Variants in MPDZ observed in about 807,000 individuals in gnomAD.
MPDZ encodes the protein multiple PDZ domain crumbs cell polarity complex component.
A neutral mutation model predicts 239.1 loss-of-function variants in MPDZ; 234 were observed. That is an observed-to-expected ratio of 0.98 (90% CI 0.88 to 1.09). The LOEUF (loss-of-function observed/expected upper bound fraction) is 1.09. Ranked by LOEUF, MPDZ falls within the 50% of genes least tolerant of loss-of-function variation. The pLI is 0.00. For missense variants in MPDZ, 3,175 were observed against 2,510.0 expected (o/e 1.26, Z -5.66); for synonymous variants, 1,048 against 881.3 (o/e 1.19, Z -3.35).
At chr9:13,278,291 A>G (rs1247983039) in intron 1 of MPDZ, among the ~76,000 whole-genome samples, 1 of 152,148 alleles carries the variant, frequency 6.6e-6, no homozygotes. Flanking sequence ...CCCTACTGCA[A>G]AAAGGCAGTC....
At chr9:13,226,034 C>G (rs917177057) in intron 3 of MPDZ, among the ~76,000 whole-genome samples, 1 of 152,024 alleles carries the variant, frequency 6.6e-6, no homozygotes, top group Non-Finnish European at 1.5e-5. Flanking sequence ...CTAGGGGAAC[C>G]TCGCAAATTT....
chr9:13,114,625 G>C (rs1425888231), intron 40 of MPDZ, among the ~76,000 whole-genome samples: 9 of 152,294 alleles, frequency 5.9e-5, no homozygotes, highest in African/African-American at 1.7e-4. Context: ...CTTGGGGCCA[G>C]GTACGGTGGC....
rs181272173 is a variant in MPDZ at position 13,186,712 on chromosome 9, G to A, written c.2365-326C>T. Among the ~76,000 whole-genome samples the A allele has an allele frequency of 4.2e-4, 63 of 150,650 alleles. 1 individual carries two copies. Among genetic ancestry groups the A allele is most frequent in the African/African-American group, 1.4e-3 (56 of 41,034 alleles). ...TTTTTTAATATTCTAATAATCTTCC[G>A]GTTATTTTTATCTGCAAAATATTCT... On this transcript the variant is annotated intron_variant, in intron 17 of 46. Coordinates refer to ENST00000319217, the MANE Select transcript of MPDZ (RefSeq NM_001378778.1).
At chr9:13,250,163 A>T in intron 2 of MPDZ, 137 bp downstream of exon 2, 1 of 674,328 alleles carries the variant, frequency 1.5e-6, no homozygotes, top group African/African-American at 1.8e-5. Context: ...ACCTTAATAC[A>T]ATGCTAGTAG....
At chr9:13,219,878 C>G (rs560873348) in intron 7 of MPDZ, 110 bp from the exon 8 acceptor site, 2 of 1,035,304 alleles carry the variant, frequency 1.9e-6, no homozygotes, top group African/African-American at 3.2e-5. Context: ...AGTTACCAAT[C>G]AGGACATAAA....
In MPDZ at chr9:13,219,696, G is replaced by T; in HGVS notation, c.949C>A (p.Gln317Lys). 1 of 1,612,746 alleles carries T rather than the reference G, an allele frequency of 6.2e-7. No individual in the cohort carries two copies. The highest frequency in any genetic ancestry group is 8.5e-7 in the Non-Finnish European group (1 of 1,179,240). Residue 317 changes from glutamine (Q) to lysine (K), a missense_variant, in exon 8 of 47, where the codon CAA becomes AAA. Coordinates refer to ENST00000319217, the MANE Select transcript of MPDZ (RefSeq NM_001378778.1). The stretch of plus-strand genomic sequence containing the variant: ...CATTGCCTAAGGACTTGTGCTACTT[G>T]CTCACTGCTCATTCCTGCTAGATCT... ...DTDLAGMSSEQVAQVLRQCGN... is the reference protein window; with the variant it reads ...DTDLAGMSSEKVAQVLRQCGN...
intron 46 of MPDZ, 128 bp downstream of exon 46, chr9:13,108,808 T>C: frequency 1.1e-6 from 1 of 903,730 alleles, no homozygotes; most frequent in Non-Finnish European, 1.5e-6. Context: ...CTGTAGGGAG[T>C]TTTGAAAAGA....
intron 1 of MPDZ, among the ~76,000 whole-genome samples, chr9:13,277,753 C>G (rs891457640): frequency 5.3e-5 from 8 of 152,022 alleles, no homozygotes; most frequent in African/African-American, 1.9e-4. Flanking sequence ...TTAGTAGAGA[C>G]AGGGTTTCAC....
intron 23 of MPDZ, among the ~76,000 whole-genome samples, chr9:13,159,257 T>C (rs930186163): frequency 3.3e-5 from 5 of 152,288 alleles, no homozygotes; most frequent in South Asian, 2.1e-4. Flanking sequence ...TGTTAAGTTT[T>C]TGTTTTTAAG....
intron 3 of MPDZ, among the ~76,000 whole-genome samples, chr9:13,238,490 T>C (rs1359591874): frequency 6.6e-6 from 1 of 152,152 alleles, no homozygotes; most frequent in African/African-American, 2.4e-5. Flanking sequence ...CGGATGCCTC[T>C]CTCTGGCAAG....
At chr9:13,148,893 A>G (rs1177753127) in intron 25 of MPDZ, among the ~76,000 whole-genome samples, 2 of 152,048 alleles carry the variant, frequency 1.3e-5, no homozygotes, top group Non-Finnish European at 2.9e-5. Context: ...CGCACAAAAA[A>G]GTTCTTTCTT....
Position 13,247,793 on chromosome 9 carries a change from G to A in MPDZ, c.25C>T (p.Arg9Trp), listed in dbSNP as rs777301563. 66 of 1,602,026 alleles carry A rather than the reference G, an allele frequency of 4.1e-5. 1 individual carries two copies. The highest frequency in any genetic ancestry group is 3.3e-4 in the Middle Eastern group (2 of 6,020). The change falls in exon 3 of 47, where the codon CGG becomes TGG. Residue 9 changes from arginine (R) to tryptophan (W), a missense_variant. Coordinates refer to ENST00000319217, the MANE Select transcript of MPDZ (RefSeq NM_001378778.1). MLEAIDKN[R>W]ALHAAERLQT... ...AAGCGCTCTGCTGCATGCAGGGCCCGATTTTTGTCTATACCAAAGAGCAGC... is the reference window on the plus strand; with the variant it reads ...AAGCGCTCTGCTGCATGCAGGGCCCAATTTTTGTCTATACCAAAGAGCAGC...
chr9:13,137,883 G>A, intron 29 of MPDZ, 74 bp downstream of exon 29: 3 of 1,452,090 alleles, frequency 2.1e-6, no homozygotes, highest in Admixed American at 3.9e-5. Flanking sequence ...AGGTATGGGT[G>A]ATTTTCTGGA....
At chr9:13,214,892 A>T in intron 10 of MPDZ, among the ~76,000 whole-genome samples, 1 of 151,938 alleles carries the variant, frequency 6.6e-6, no homozygotes, top group Non-Finnish European at 1.5e-5. Flanking sequence ...TAGGAGTTTC[A>T]CAGAACAAAA....
In MPDZ at chr9:13,133,867, T is replaced by A. The variant is rs201277979; in HGVS notation, c.4421A>T (p.Asp1474Val). The change falls in exon 32 of 47, where the codon GAC becomes GTC. Residue 1474 changes from aspartate (D) to valine (V), a missense_variant. Coordinates refer to ENST00000319217, the MANE Select transcript of MPDZ (RefSeq NM_001378778.1). The stretch of plus-strand genomic sequence containing the variant: ...TTGCACATTTTTAAATGAACTGAGG[T>A]CCACAGCTGCATCAGAAGTAGTAAC... ...PTVTTSDAAV[D>V]LSSFKNVQHL... The A allele has an allele frequency of 1.4e-4, 231 of 1,601,022 alleles. No individual in the cohort carries two copies. The African/African-American group carries it at 2.9e-3, about 20-fold the overall frequency.
intron 1 of MPDZ, among the ~76,000 whole-genome samples, chr9:13,275,689 G>A (rs1974012873): frequency 6.6e-6 from 1 of 152,196 alleles, no homozygotes; most frequent in African/African-American, 2.4e-5. Context: ...AGAAGGAAAT[G>A]TGACTTGGGT....
intron 46 of MPDZ, 57 bp from the exon 47 acceptor site, chr9:13,107,168 C>A (rs1199794319): frequency 1.3e-6 from 2 of 1,501,274 alleles, no homozygotes; most frequent in Admixed American, 1.9e-5. Flanking sequence ...TTGCAACTCA[C>A]AACAGAAAAA....
intron 10 of MPDZ, among the ~76,000 whole-genome samples, chr9:13,209,504 G>A (rs1162572939): frequency 1.3e-5 from 2 of 152,092 alleles, no homozygotes; most frequent in African/African-American, 2.4e-5. Context: ...CATACAATCT[G>A]CAGCAGAACC....
chr9:13,216,080 A>C (rs1479799902), intron 10 of MPDZ, among the ~76,000 whole-genome samples: 1 of 149,326 alleles, frequency 6.7e-6, no homozygotes, highest in African/African-American at 2.5e-5. Flanking sequence ...ACAAGACTAT[A>C]TTGTAGGCAG....
Sources: gnomAD v4.1 joint callset for allele counts (sites outside exome capture counted in the v4.1 genomes callset) on GRCh38, gnomAD v4.1.1 for gene constraint, MANE v1.5 for transcripts, NCBI Gene and HGNC (gene_info 2026-07-23, HGNC 2026-07-21) for gene names.